Variants in ELP2 observed in about 807,000 individuals in gnomAD.
ELP2 encodes elongator complex protein 2.
In ELP2, 90 loss-of-function variants were observed where a neutral mutation model predicts 119.2. The ratio of observed to expected loss-of-function variants is 0.75; its 90% CI spans 0.64 to 0.90. The LOEUF (loss-of-function observed/expected upper bound fraction) is 0.90. ELP2 is among the 40% of genes least tolerant of loss of function. The pLI, the probability that ELP2 is intolerant of heterozygous loss-of-function variation, is 0.00. For synonymous variants in ELP2, 339 were observed against 331.0 expected (o/e 1.02, Z -0.26); for missense variants, 921 against 967.8 (o/e 0.95, Z 0.64).
Position 36,159,750 on chromosome 18 carries a change from A to G in ELP2, c.1550A>G (p.Gln517Arg). The G allele has an allele frequency of 6.2e-7, 1 of 1,613,678 alleles. No homozygotes were observed. Among genetic ancestry groups the G allele is most frequent in the Non-Finnish European group, 8.5e-7 (1 of 1,179,662 alleles). ...TTCAAACTAGGAGATATAGCTTCTCAGCCTTCTGATGAAGAGGAGCTGTTA... is the reference window on the plus strand; with the variant it reads ...TTCAAACTAGGAGATATAGCTTCTCGGCCTTCTGATGAAGAGGAGCTGTTA... ...KAVFQGDIAS[Q>R]PSDEEELLTS... is the part of the protein sequence containing the mutation. The change falls in exon 15 of 22, where the codon CAG becomes CGG. Residue 517 changes from glutamine (Q) to arginine (R), a missense_variant. Physicochemically the swap from Gln to Arg is conservative, Grantham distance 43. Transcript: ENST00000358232.
In ELP2 at chr18:36,170,594, G is replaced by A. The variant is rs1216740175; in HGVS notation, c.2210+398G>A. Among the ~76,000 whole-genome samples the A allele has an allele frequency of 4.6e-5, 7 of 152,214 alleles. No homozygotes were observed. In the East Asian group the frequency reaches 5.8e-4, roughly 13 times the overall value. On this transcript the variant is annotated intron_variant, in intron 20 of 21. Transcript: ENST00000358232. The stretch of plus-strand genomic sequence containing the variant: ...CTCCCAAAGTGCTGGGATTACAGGC[G>A]TATGCCACCGTGCCTGGCCTGAGTT...
At chr18:36,148,901 A>G (rs775625278) in intron 11 of ELP2, among the ~76,000 whole-genome samples, 1 of 152,204 alleles carries the variant, frequency 6.6e-6, no homozygotes, top group Non-Finnish European at 1.5e-5. Context: ...ATGCACACAC[A>G]GTCAATAATT....
At chr18:36,147,430 T>TG (rs2090243853) in intron 11 of ELP2, among the ~76,000 whole-genome samples, 2 of 151,704 alleles carry the variant, frequency 1.3e-5, no homozygotes, top group Non-Finnish European at 2.9e-5. Flanking sequence ...TTTGTTTGTT[T>TG]TGAGACCGAG....
intron 18 of ELP2, 123 bp downstream of exon 18, chr18:36,164,790 C>A (rs1029261357): frequency 3.2e-5 from 30 of 938,774 alleles, no homozygotes; most frequent in South Asian, 3.2e-4. Flanking sequence ...GTCTTTGAAG[C>A]CTTTCAAAGT....
chr18:36,163,604 A>G (rs929123345), intron 17 of ELP2, among the ~76,000 whole-genome samples: 1 of 152,016 alleles, frequency 6.6e-6, no homozygotes, highest in African/African-American at 2.4e-5. Flanking sequence ...CTTTAGACCT[A>G]TGATACTTTC....
intron 5 of ELP2, chr18:36,139,665 A>G: frequency 6.9e-7 from 1 of 1,445,316 alleles, no homozygotes; most frequent in Non-Finnish European, 9.2e-7. Flanking sequence ...TCTGTAGTTG[A>G]TCTAAAGTAA....
At chr18:36,146,905 TG>T (rs963468290) in intron 11 of ELP2, among the ~76,000 whole-genome samples, 1 of 152,096 alleles carries the variant, frequency 6.6e-6, no homozygotes, top group African/African-American at 2.4e-5. Context: ...TCTCTTACTT[TG>T]TAATCTGATT....
intron 11 of ELP2, among the ~76,000 whole-genome samples, chr18:36,148,122 C>G (rs904427004): frequency 2.1e-5 from 3 of 142,704 alleles, no homozygotes; most frequent in Non-Finnish European, 4.5e-5. Context: ...GAGATGGAGT[C>G]TCACTCTGTC....
At chr18:36,141,071 C>A in intron 5 of ELP2, 66 bp from the exon 6 acceptor site, 1 of 1,264,544 alleles carries the variant, frequency 7.9e-7, no homozygotes, top group Non-Finnish European at 1.2e-6. Flanking sequence ...CAATCCAGTA[C>A]AGTTGATAAA....
In ELP2 at chr18:36,133,333, T is replaced by C. The variant is rs2089703669; in HGVS notation, c.217+17T>C. ...AGGATGGCTGTAAGTATTAACCAGA[T>C]TTTAAAGTTGATCTCAATTGTTTTC... On this transcript the variant is annotated intron_variant, in intron 2 of 21. Coordinates refer to ENST00000358232, the MANE Select transcript of ELP2 (RefSeq NM_018255.4). 12 of 1,577,434 alleles carry C rather than the reference T, an allele frequency of 7.6e-6. No individual in the cohort carries two copies. The East Asian group carries it at 2.7e-4, about 35-fold the overall frequency.
At chr18:36,143,044 A>T (rs931311213) in intron 8 of ELP2, 78 bp downstream of exon 8, 2 of 967,320 alleles carry the variant, frequency 2.1e-6, no homozygotes, top group East Asian at 2.5e-5. Context: ...CCACCCACCT[A>T]TGTGAAGGAT....
intron 11 of ELP2, among the ~76,000 whole-genome samples, chr18:36,147,912 G>GT (rs1193301464): frequency 6.6e-6 from 1 of 151,712 alleles, no homozygotes; most frequent in Non-Finnish European, 1.5e-5. Context: ...GTAGGGTGAG[G>GT]TATGGGAGAA....
chr18:36,130,085 C>A lies in ELP2; in HGVS notation c.138+14C>A. ...TATGACCCCCTGGTAAGAGAGGTCG[C>A]TGGACGGCCGACCCTTGTGCTTTTC... On this transcript the variant is annotated intron_variant, in intron 1 of 21. Transcript: ENST00000358232. The A allele has an allele frequency of 6.2e-7, 1 of 1,614,070 alleles. No homozygotes were observed. Among genetic ancestry groups the A allele is most frequent in the South Asian group, 1.1e-5 (1 of 91,088 alleles).
At chr18:36,144,816 T>C in intron 8 of ELP2, 123 bp from the exon 9 acceptor site, 1 of 742,366 alleles carries the variant, frequency 1.3e-6, no homozygotes, top group Non-Finnish European at 2.3e-6. Context: ...TTTTTTTGAA[T>C]CCCAACTATC....
chr18:36,166,613 G>A (rs1361605439), intron 18 of ELP2, among the ~76,000 whole-genome samples: 2 of 152,124 alleles, frequency 1.3e-5, no homozygotes, highest in African/African-American at 2.4e-5. Flanking sequence ...GATTACAGGC[G>A]TGAGCCACCA....
rs770952433 is a variant in ELP2, at chr18:36,145,979, A to G, written c.924A>G (p.Leu308=). ...TCCTACAGCAGCCAGTGAGATTATT[A>G]TCTGCTTCCATGGATAAAACCATGA... ...DGVLQQPVRL[L]SASMDKTMIL... The change falls in exon 10 of 22, where the codon TTA becomes TTG. Residue 308 remains leucine, a synonymous_variant. Coordinates refer to ENST00000358232, the MANE Select transcript of ELP2 (RefSeq NM_018255.4). 6 of 1,613,826 alleles carry G rather than the reference A, an allele frequency of 3.7e-6. No homozygotes were observed. The African/African-American group carries it at 4.0e-5, about 11-fold the overall frequency.
At chr18:36,159,044 G>A (rs1286742440) in intron 14 of ELP2, 140 bp downstream of exon 14, 14 of 674,208 alleles carry the variant, frequency 2.1e-5, no homozygotes, top group South Asian at 6.7e-5. Context: ...CACCTATTTC[G>A]TGATAAGTAC....
chr18:36,143,876 A>G (rs1264399711), intron 8 of ELP2, among the ~76,000 whole-genome samples: 1 of 152,228 alleles, frequency 6.6e-6, no homozygotes, highest in Non-Finnish European at 1.5e-5. Flanking sequence ...GGAAGACCTA[A>G]AGGAATAATG....
chr18:36,174,735 T>TG lies in ELP2; in HGVS notation c.*97dup. 1.6e-6 allele frequency: 2 copies of TG among 1,289,244 alleles called. No individual in the cohort carries two copies. The highest frequency in any genetic ancestry group is 1.3e-5 in the South Asian group (1 of 74,680). The allele number at this position is 1,289,244 out of a possible 1,614,324, so 79.9% of individuals were successfully genotyped here. On this transcript the variant is annotated 3_prime_UTR_variant, in exon 22 of 22. Transcript: ENST00000358232. ...TACCTTCATAACTGAATTGAGTTTC[T>TG]GGGTTTTTTTTTTTTTTGAGATGGA... is the stretch of plus-strand genomic sequence containing the variant.
Sources: allele counts gnomAD v4.1 joint callset (sites outside exome capture counted in the v4.1 genomes callset), GRCh38; gene constraint gnomAD v4.1.1; transcripts MANE v1.5; gene names NCBI Gene and HGNC (gene_info 2026-07-23, HGNC 2026-07-21).